The following ZNF138 variants were observed in gnomAD, a reference collection of about 807,000 sequenced individuals.
ZNF138 encodes the protein zinc finger protein 138.
A neutral mutation model predicts 33.0 loss-of-function variants in ZNF138; 33 were observed. That is an observed-to-expected ratio of 1.00 (90% CI 0.76 to 1.34). ZNF138 has a LOEUF of 1.34. ZNF138 is among the 40% of genes most tolerant of loss of function. The pLI, the probability that ZNF138 is intolerant of heterozygous loss-of-function variation, is 0.00. For synonymous variants in ZNF138, 139 were observed against 120.4 expected (o/e 1.15, Z -1.01); for missense variants, 360 against 370.8 (o/e 0.97, Z 0.24).
chr7:64,794,599 G>C (rs1192025417), intron 1 of ZNF138, 28 bp downstream of exon 1: 1 of 1,613,286 alleles, frequency 6.2e-7, no homozygotes, highest in South Asian at 1.1e-5. Flanking sequence ...GACATCCCGA[G>C]AGAGGGGGAG....
intron 1 of ZNF138, among the ~76,000 whole-genome samples, chr7:64,800,312 C>CA (rs1787039921): frequency 6.6e-6 from 1 of 152,196 alleles, no homozygotes; most frequent in African/African-American, 2.4e-5. Context: ...CCATTCAGTA[C>CA]GTTGGTTGTG....
At chr7:64,842,545 A>T in the ZNF138 span, among the ~76,000 whole-genome samples, 1 of 152,176 alleles carries the variant, frequency 6.6e-6, no homozygotes, top group South Asian at 2.1e-4. Flanking sequence ...ATTCTTAGTC[A>T]CCTGTCGTCA....
the ZNF138 span, among the ~76,000 whole-genome samples, chr7:64,847,320 A>ATG: frequency 1.9e-5 from 2 of 108,004 alleles, no homozygotes; most frequent in African/African-American, 7.1e-5. Flanking sequence ...TAATACATAT[A>ATG]TATATATATA....
intron 3 of ZNF138, chr7:64,830,833 C>A: frequency 1.6e-6 from 2 of 1,246,800 alleles, no homozygotes; most frequent in Non-Finnish European, 2.1e-6. Flanking sequence ...CAGACATGTT[C>A]TTAGGATGTG....
chr7:64,816,990 T>A (rs922060030), intron 3 of ZNF138, among the ~76,000 whole-genome samples: 1 of 152,192 alleles, frequency 6.6e-6, no homozygotes, highest in African/African-American at 2.4e-5. Context: ...AGATTAAATA[T>A]CCTTCAGCAC....
intron 3 of ZNF138, among the ~76,000 whole-genome samples, chr7:64,826,279 T>C (rs1194807129): frequency 6.6e-6 from 1 of 152,180 alleles, no homozygotes; most frequent in Non-Finnish European, 1.5e-5. Context: ...TGATTATTTA[T>C]TTGTTTATTT....
downstream of ZNF138, among the ~76,000 whole-genome samples, chr7:64,837,446 C>T (rs1790399070): frequency 6.6e-6 from 1 of 152,016 alleles, no homozygotes; most frequent in South Asian, 2.1e-4. Context: ...TGAGGTAGGG[C>T]AGGTACGTGC....
chr7:64,857,895 A>G, the ZNF138 span, among the ~76,000 whole-genome samples: 3 of 152,224 alleles, frequency 2.0e-5, no homozygotes, highest in Admixed American at 1.3e-4. Flanking sequence ...AGGGTGATAT[A>G]AATTGGATAC....
the ZNF138 span, among the ~76,000 whole-genome samples, chr7:64,860,068 C>T: frequency 2.0e-5 from 3 of 152,230 alleles, no homozygotes; most frequent in Non-Finnish European, 2.9e-5. Flanking sequence ...ACTCGGGAGG[C>T]GGAGGTTGCA....
At position 64,831,989 on chromosome 7, in the gene ZNF138, A is replaced by G; in HGVS notation, c.747A>G (p.Lys249=). The G allele has an allele frequency of 1.2e-6, 2 of 1,613,520 alleles. No homozygotes were observed. Among genetic ancestry groups the G allele is most frequent in the Non-Finnish European group, 1.7e-6 (2 of 1,179,782 alleles). The stretch of plus-strand genomic sequence containing the variant: ...ATAAGATAATTCGTACTGGAGAAAA[A>G]CCCTATAAATGTGCACACTGTGGCA... ...TKHKIIRTGE[K]PYKCAHCGKA... is the part of the protein sequence containing the mutation. The change falls in exon 4 of 4, where the codon AAA becomes AAG. Residue 249 remains lysine, a synonymous_variant. Coordinates refer to ENST00000307355, the MANE Select transcript of ZNF138 (RefSeq NM_001271639.2).
rs1790141587 is a variant in ZNF138 at position 64,832,124 on chromosome 7, T to A, written c.882T>A (p.Leu294=). The part of the protein sequence containing the change: ...CGKVFKQSPT[L]TKHQIIYTGE... ...AGGTCTTTAAGCAGTCCCCAACCCT[T>A]ACTAAACATCAGATAATTTATACTG... Residue 294 remains leucine, a synonymous_variant, in exon 4 of 4, where the codon CTT becomes CTA. Transcript: ENST00000307355. The A allele has an allele frequency of 6.2e-7, 1 of 1,612,854 alleles. No homozygotes were observed. Among genetic ancestry groups the A allele is most frequent in the Admixed American group, 1.7e-5 (1 of 59,922 alleles).
At chr7:64,845,052 C>T in the ZNF138 span, among the ~76,000 whole-genome samples, 1 of 152,054 alleles carries the variant, frequency 6.6e-6, no homozygotes, top group Non-Finnish European at 1.5e-5. Flanking sequence ...GTATAATTAA[C>T]CCAATTTGTA....
chr7:64,806,354 A>G (rs1014826032), intron 1 of ZNF138, among the ~76,000 whole-genome samples: 3 of 152,178 alleles, frequency 2.0e-5, no homozygotes, highest in South Asian at 4.1e-4. Context: ...ACCTCTTTCA[A>G]TGACTCTTTA....
chr7:64,843,013 C>T, the ZNF138 span, among the ~76,000 whole-genome samples: 1 of 152,174 alleles, frequency 6.6e-6, no homozygotes, highest in Admixed American at 6.5e-5. Context: ...TGGTGGCCAC[C>T]ACTTTACTTC....
chr7:64,810,364 G>C, intron 1 of ZNF138, among the ~76,000 whole-genome samples: 1 of 123,968 alleles, frequency 8.1e-6, no homozygotes, highest in Non-Finnish European at 1.7e-5. Flanking sequence ...GGAAAATCAG[G>C]CAGAGAGGTT....
chr7:64,803,258 G>GTTTTTTTTTTTTTTTTTT (rs60101981), intron 1 of ZNF138, among the ~76,000 whole-genome samples: 1 of 113,062 alleles, frequency 8.8e-6, no homozygotes, highest in Admixed American at 9.5e-5. Context: ...TTTGGCAAAG[G>GTTTTTTTTTTTTTTTTTT]TTTTTTTTTT....
At chr7:64,823,711 G>A (rs1275646131) in intron 3 of ZNF138, among the ~76,000 whole-genome samples, 3 of 152,130 alleles carry the variant, frequency 2.0e-5, no homozygotes, top group African/African-American at 7.2e-5. Flanking sequence ...AGGCTGAGGC[G>A]GGTGGATCAC....
At position 64,832,433 on chromosome 7, in the gene ZNF138, A is replaced by G; in HGVS notation, c.*231A>G. The G allele has an allele frequency of 6.8e-7, 1 of 1,468,612 alleles. No individual in the cohort carries two copies. Among genetic ancestry groups the G allele is most frequent in the East Asian group, 2.5e-5 (1 of 39,846 alleles). The allele number at this position is 1,468,612 out of a possible 1,614,324, so 91.0% of individuals were successfully genotyped here. ...AACCCTACAAATGTAAAGAATGTGG[A>G]AAAGCTTTTCACCGATACTCAATCC... On this transcript the variant is annotated 3_prime_UTR_variant, in exon 4 of 4. Transcript: ENST00000307355.
intron 1 of ZNF138, among the ~76,000 whole-genome samples, chr7:64,811,650 G>T (rs1788186239): frequency 6.6e-6 from 1 of 152,194 alleles, no homozygotes; most frequent in African/African-American, 2.4e-5. Flanking sequence ...TTCAGACATA[G>T]CTGCCTTCTG....
Sources: gnomAD v4.1 joint callset for allele counts (sites outside exome capture counted in the v4.1 genomes callset) on GRCh38, gnomAD v4.1.1 for gene constraint, MANE v1.5 for transcripts, NCBI Gene and HGNC (gene_info 2026-07-23, HGNC 2026-07-21) for gene names.